Variants in NELL2 observed in about 807,000 individuals in gnomAD.
The protein encoded by NELL2 is protein kinase C-binding protein NELL2.
In NELL2, 41 loss-of-function variants were observed where a neutral mutation model predicts 109.6. The observed-to-expected ratio is 0.37, with a 90% CI of 0.29 to 0.49. The LOEUF is 0.49. NELL2 is among the 20% of genes least tolerant of loss of function. NELL2 has a pLI of 0.98. For synonymous variants in NELL2, 355 were observed against 344.7 expected (o/e 1.03, Z -0.33); for missense variants, 900 against 1,008.3 (o/e 0.89, Z 1.45).
chr12:44,555,567 C>T (rs994088460), intron 15 of NELL2, among the ~76,000 whole-genome samples: 4 of 152,182 alleles, frequency 2.6e-5, no homozygotes, highest in African/African-American at 9.7e-5. Context: ...GCCAAGTCTG[C>T]TAAGTGAGGA....
Position 44,823,332 on chromosome 12 carries a change from G to C in NELL2, c.185-7196C>G, listed in dbSNP as rs1028635513. Among the ~76,000 whole-genome samples, 4 of 152,142 alleles carry C rather than the reference G, an allele frequency of 2.6e-5. 1 individual carries two copies. In the South Asian group the frequency reaches 8.3e-4, roughly 32 times the overall value. ...TATAGTCACCACACACTGTACATTAGATTTCCAGAACTTATCATCTGCATA... is the reference window on the plus strand; with the variant it reads ...TATAGTCACCACACACTGTACATTACATTTCCAGAACTTATCATCTGCATA... On this transcript the variant is annotated intron_variant, in intron 2 of 19. Transcript: ENST00000429094.
At chr12:44,904,082 A>C (rs897255178) in intron 1 of NELL2, among the ~76,000 whole-genome samples, 1 of 151,966 alleles carries the variant, frequency 6.6e-6, no homozygotes, top group African/African-American at 2.4e-5. Context: ...TAGAATCTTT[A>C]AAATCTAGAC....
chr12:44,749,038 G>A (rs1310846298), intron 9 of NELL2, among the ~76,000 whole-genome samples: 1 of 152,078 alleles, frequency 6.6e-6, no homozygotes, highest in East Asian at 1.9e-4. Flanking sequence ...AGCCTTGCAC[G>A]ATGAAATCAG....
At chr12:44,694,307 C>G (rs1053268969) in intron 12 of NELL2, among the ~76,000 whole-genome samples, 1 of 152,034 alleles carries the variant, frequency 6.6e-6, no homozygotes, top group Non-Finnish European at 1.5e-5. Context: ...TGAATTAGAA[C>G]GTTGGTCTTC....
At chr12:44,743,446 T>A (rs537838908) in intron 9 of NELL2, among the ~76,000 whole-genome samples, 1 of 152,214 alleles carries the variant, frequency 6.6e-6, no homozygotes, top group South Asian at 2.1e-4. Flanking sequence ...AATTCACACA[T>A]AACAATATTA....
intron 3 of NELL2, among the ~76,000 whole-genome samples, chr12:44,783,194 T>A (rs1158653055): frequency 6.6e-6 from 1 of 151,408 alleles, no homozygotes; most frequent in Non-Finnish European, 1.5e-5. Context: ...AAATTAAAAT[T>A]AAAATTAAAT....
intron 3 of NELL2, among the ~76,000 whole-genome samples, chr12:44,782,481 C>A (rs528404901): frequency 3.3e-5 from 5 of 151,848 alleles, no homozygotes; most frequent in Non-Finnish European, 5.9e-5. Context: ...AAAACCATGA[C>A]CATATTCTGT....
At chr12:44,687,104 C>G (rs902286620) in intron 12 of NELL2, among the ~76,000 whole-genome samples, 2 of 152,228 alleles carry the variant, frequency 1.3e-5, no homozygotes, top group Admixed American at 6.5e-5. Flanking sequence ...ATATAATCTC[C>G]TGGTGCACCA....
chr12:44,858,782 G>A (rs1944754570), intron 2 of NELL2, among the ~76,000 whole-genome samples: 1 of 152,158 alleles, frequency 6.6e-6, no homozygotes, highest in South Asian at 2.1e-4. Context: ...AGCAATGTAA[G>A]CAAGTGCTCA....
upstream of NELL2, among the ~76,000 whole-genome samples, chr12:44,877,359 A>C (rs1308635273): frequency 6.6e-6 from 1 of 152,206 alleles, no homozygotes; most frequent in Non-Finnish European, 1.5e-5. Flanking sequence ...ATGGTACATA[A>C]TATTTTTTGA....
At chr12:44,725,014 T>A (rs1467456015) in intron 9 of NELL2, among the ~76,000 whole-genome samples, 1 of 151,814 alleles carries the variant, frequency 6.6e-6, no homozygotes, top group Non-Finnish European at 1.5e-5. Context: ...AAACAAGCAA[T>A]AAGGAAGACT....
chr12:44,527,875 C>T (rs895034292), intron 16 of NELL2, among the ~76,000 whole-genome samples: 12 of 151,842 alleles, frequency 7.9e-5, no homozygotes, highest in African/African-American at 2.9e-4. Context: ...GGACGGATCA[C>T]GAGGTCAGGA....
intron 12 of NELL2, among the ~76,000 whole-genome samples, chr12:44,680,550 G>A (rs928547185): frequency 6.6e-6 from 1 of 151,908 alleles, no homozygotes; most frequent in Non-Finnish European, 1.5e-5. Context: ...AAAATCCCAG[G>A]GATCTATTTT....
intron 2 of NELL2, among the ~76,000 whole-genome samples, chr12:44,864,044 G>GA (rs1034728125): frequency 2.0e-5 from 3 of 151,676 alleles, no homozygotes; most frequent in Middle Eastern, 3.2e-3. Flanking sequence ...TAACTACAAA[G>GA]AAAAAAATCT....
chr12:44,743,282 A>G (rs893960027), intron 9 of NELL2, among the ~76,000 whole-genome samples: 1 of 152,234 alleles, frequency 6.6e-6, no homozygotes, highest in African/African-American at 2.4e-5. Flanking sequence ...GGCCTGCCCT[A>G]AAAGACCTCC....
chr12:44,739,943 T>C (rs1939861139), intron 9 of NELL2, among the ~76,000 whole-genome samples: 1 of 152,192 alleles, frequency 6.6e-6, no homozygotes, highest in African/African-American at 2.4e-5. Flanking sequence ...CGCATGATCA[T>C]TCATTTTCAT....
intron 13 of NELL2, among the ~76,000 whole-genome samples, chr12:44,632,073 T>G (rs1390812657): frequency 6.6e-6 from 1 of 152,096 alleles, no homozygotes; most frequent in Non-Finnish European, 1.5e-5. Context: ...ATAGAAAAAT[T>G]AGATGACCAT....
chr12:44,670,008 T>C (rs892054696), intron 12 of NELL2, among the ~76,000 whole-genome samples: 1 of 151,990 alleles, frequency 6.6e-6, no homozygotes, highest in African/African-American at 2.4e-5. Flanking sequence ...AAGTCACATA[T>C]AAAAGAATCC....
intron 9 of NELL2, among the ~76,000 whole-genome samples, chr12:44,736,276 T>C (rs2054764715): frequency 6.6e-6 from 1 of 152,062 alleles, no homozygotes; most frequent in African/African-American, 2.4e-5. Flanking sequence ...CCCAAAGTGC[T>C]GGGATTACAG....
Sources: allele counts gnomAD v4.1 joint callset (sites outside exome capture counted in the v4.1 genomes callset), GRCh38; gene constraint gnomAD v4.1.1; transcripts MANE v1.5; gene names NCBI Gene and HGNC (gene_info 2026-07-23, HGNC 2026-07-21).